EBAG9: variants seen among roughly 807,000 people sequenced by gnomAD.
EBAG9 encodes receptor-binding cancer antigen expressed on SiSo cells.
In EBAG9, 16 loss-of-function variants were observed where a neutral mutation model predicts 30.9. The ratio of observed to expected loss-of-function variants is 0.52; its 90% CI spans 0.35 to 0.79. The LOEUF is 0.79. EBAG9 is among the 30% of genes least tolerant of loss of function. The pLI is 0.01. For missense variants in EBAG9, 197 were observed against 242.1 expected (o/e 0.81, Z 1.24); for synonymous variants, 93 against 82.8 (o/e 1.12, Z -0.67).
Position 109,564,728 on chromosome 8 carries a change from G to C in EBAG9, c.*169G>C. On this transcript the variant is annotated 3_prime_UTR_variant, in exon 7 of 7. Transcript: ENST00000337573. ...TCCCAAAGTACCTTGAACTCTTAGT[G>C]ATTGAGACTCAAAAAAACAAAAAAG... The C allele has an allele frequency of 1.1e-6, 1 of 899,042 alleles. No homozygotes were observed. The highest frequency in any genetic ancestry group is 1.7e-5 in the African/African-American group (1 of 58,546). 55.7% of individuals were successfully genotyped at this position (899,042 alleles called of 1,614,324 possible). A position where few individuals can be genotyped will look rare whatever the true frequency, so the allele number is the denominator to read the frequency against.
chr8:109,556,601 T>A (rs1485633630), intron 4 of EBAG9, among the ~76,000 whole-genome samples: 1 of 152,016 alleles, frequency 6.6e-6, no homozygotes, highest in East Asian at 1.9e-4. Context: ...GCTGAGAGAG[T>A]TGTTAATACT....
chr8:109,554,775 G>A lies in EBAG9; in HGVS notation c.209G>A (p.Ser70Asn). The change falls in exon 4 of 7, where the codon AGT (serine) becomes AAT (asparagine). Residue 70 changes from serine to asparagine, a missense_variant. Physicochemically the swap from Ser to Asn is conservative, Grantham distance 46. Coordinates refer to ENST00000337573, the MANE Select transcript of EBAG9 (RefSeq NM_004215.5). ...WTSWDEDAPT[S>N]VKIEGGNGNV... ...TCCTGGGATGAAGATGCACCCACCA[G>A]TGTAAAGATCGAAGGAGGGAATGGG... The A allele has an allele frequency of 6.2e-7, 1 of 1,613,706 alleles. No homozygotes were observed. The highest frequency in any genetic ancestry group is 8.5e-7 in the Non-Finnish European group (1 of 1,179,780).
chr8:109,541,793 G>A (rs1051906199), intron 1 of EBAG9, among the ~76,000 whole-genome samples: 1 of 152,170 alleles, frequency 6.6e-6, no homozygotes, highest in African/African-American at 2.4e-5. Flanking sequence ...CATAGTAGGT[G>A]CTAATATATA....
intron 1 of EBAG9, among the ~76,000 whole-genome samples, chr8:109,547,836 A>C (rs892399895): frequency 6.6e-6 from 1 of 152,002 alleles, no homozygotes; most frequent in Non-Finnish European, 1.5e-5. Context: ...TTTTAAATTG[A>C]GTTTTTAAAA....
intron 6 of EBAG9, chr8:109,563,349 C>A: frequency 6.3e-7 from 1 of 1,584,158 alleles, no homozygotes; most frequent in Non-Finnish European, 8.5e-7. Flanking sequence ...TAGCTTCCTT[C>A]CTCAACGTTG....
chr8:109,563,326 C>G, intron 6 of EBAG9: 1 of 1,542,838 alleles, frequency 6.5e-7, no homozygotes, highest in Non-Finnish European at 8.7e-7. Flanking sequence ...ATTCCATGCC[C>G]AATTGTGACC....
At chr8:109,545,475 G>A (rs1258705560) in intron 1 of EBAG9, among the ~76,000 whole-genome samples, 6 of 146,666 alleles carry the variant, frequency 4.1e-5, no homozygotes, top group African/African-American at 1.0e-4. Flanking sequence ...AGTGATTGTC[G>A]TGCCTCAGCC....
At chr8:109,553,785 T>C (rs1821540480) in intron 2 of EBAG9, 80 bp from the exon 3 acceptor site, 3 of 1,053,818 alleles carry the variant, frequency 2.8e-6, no homozygotes, top group Non-Finnish European at 4.2e-6. Context: ...TTTATAAGCC[T>C]TCAATTACCA....
Position 109,560,729 on chromosome 8 carries a change from T to C in EBAG9, c.430-109T>C, listed in dbSNP as rs115957721. ...ACAGGGTAAGGAAGCTGAGAAGACA[T>C]AGGAGAATGACAGGTTCTGAGTTAT... On this transcript the variant is annotated intron_variant, in intron 5 of 6. Coordinates refer to ENST00000337573, the MANE Select transcript of EBAG9 (RefSeq NM_004215.5). The C allele has an allele frequency of 7.9e-4, 587 of 747,140 alleles. 1 individual carries two copies. In the African/African-American group the frequency reaches 9.5e-3, roughly 12 times the overall value. 46.3% of individuals were successfully genotyped at this position (747,140 alleles called of 1,614,324 possible).
chr8:109,545,454 C>T (rs1291231155), intron 1 of EBAG9, among the ~76,000 whole-genome samples: 2 of 42 alleles, frequency 0.048, no homozygotes, highest in East Asian at 0.5. Context: ...ACCTCCGCCT[C>T]CCAGGGTTCA....
chr8:109,543,307 CCTGT>C (rs1821316889), intron 1 of EBAG9, among the ~76,000 whole-genome samples: 1 of 151,572 alleles, frequency 6.6e-6, no homozygotes, highest in Non-Finnish European at 1.5e-5. Flanking sequence ...ATTTTAGAGC[CCTGT>C]CTTTGTACCT....
At chr8:109,563,575 C>CT in intron 6 of EBAG9, 2 of 1,466,666 alleles carry the variant, frequency 1.4e-6, no homozygotes, top group Non-Finnish European at 1.8e-6. Context: ...ATACCTACCA[C>CT]TCTTTTTTTT....
chr8:109,555,758 T>G (rs1480884343), intron 4 of EBAG9, among the ~76,000 whole-genome samples: 2 of 152,176 alleles, frequency 1.3e-5, no homozygotes, highest in Non-Finnish European at 2.9e-5. Context: ...CATTTAGAGA[T>G]GCAGGGAATT....
At chr8:109,551,408 G>T (rs1821491742) in intron 2 of EBAG9, among the ~76,000 whole-genome samples, 1 of 151,918 alleles carries the variant, frequency 6.6e-6, no homozygotes, top group Non-Finnish European at 1.5e-5. Context: ...ATTTGCTTTA[G>T]GACATCATCT....
intron 1 of EBAG9, among the ~76,000 whole-genome samples, chr8:109,542,362 A>G (rs1482388335): frequency 6.6e-6 from 1 of 152,198 alleles, no homozygotes; most frequent in Non-Finnish European, 1.5e-5. Flanking sequence ...AATATTTATA[A>G]AACAATGACA....
chr8:109,546,842 C>T (rs577079091), intron 1 of EBAG9, among the ~76,000 whole-genome samples: 2 of 152,196 alleles, frequency 1.3e-5, no homozygotes, highest in Admixed American at 6.5e-5. Flanking sequence ...GAGATATAGT[C>T]ATGCTATTAC....
chr8:109,540,520 A>C (rs924948212), intron 1 of EBAG9, 59 bp downstream of exon 1: 2 of 152,106 alleles, frequency 1.3e-5, no homozygotes, highest in Non-Finnish European at 2.9e-5. Context: ...AAACCACTTA[A>C]GTTATGAAAC....
intron 1 of EBAG9, among the ~76,000 whole-genome samples, chr8:109,543,688 C>A (rs985505799): frequency 2.6e-5 from 4 of 151,850 alleles, no homozygotes; most frequent in African/African-American, 9.7e-5. Context: ...AGGTAAAAAG[C>A]TGCTTTTTTC....
chr8:109,558,330 A>T (rs1363059427), intron 5 of EBAG9, among the ~76,000 whole-genome samples: 2 of 152,180 alleles, frequency 1.3e-5, no homozygotes, highest in Admixed American at 6.5e-5. Context: ...ATGAATGATC[A>T]CACACGTCAA....
Sources: allele counts gnomAD v4.1 joint callset (sites outside exome capture counted in the v4.1 genomes callset), GRCh38; gene constraint gnomAD v4.1.1; transcripts MANE v1.5; gene names NCBI Gene and HGNC (gene_info 2026-07-23, HGNC 2026-07-21).